The following KLF12 variants were observed in gnomAD, a reference collection of about 807,000 sequenced individuals.
The protein encoded by KLF12 is Krueppel-like factor 12.
In KLF12, 9 loss-of-function variants were observed where a neutral mutation model predicts 37.8. The ratio of observed to expected loss-of-function variants is 0.24; its 90% CI spans 0.14 to 0.42. KLF12 has a LOEUF of 0.42. Ranked by LOEUF, KLF12 falls within the 10% of genes least tolerant of loss-of-function variation. The probability of loss-of-function intolerance (pLI) is 1.00; values close to 1 mark genes in which losing one functional copy is unlikely to be tolerated. For synonymous variants in KLF12, 208 were observed against 202.1 expected (o/e 1.03, Z -0.25); for missense variants, 411 against 516.0 (o/e 0.80, Z 1.97).
chr13:74,200,195 G>A, the KLF12 span, among the ~76,000 whole-genome samples: 3 of 151,946 alleles, frequency 2.0e-5, no homozygotes, highest in African/African-American at 7.3e-5. Context: ...TGCTCAGGGG[G>A]GGGGTTTCCT....
At chr13:74,242,837 A>G in the KLF12 span, among the ~76,000 whole-genome samples, 1 of 152,202 alleles carries the variant, frequency 6.6e-6, no homozygotes, top group East Asian at 1.9e-4. Context: ...AGGTGAGGCT[A>G]TCAGAGCCAC....
At chr13:74,132,070 A>T (rs1457093222) in intron 1 of KLF12, among the ~76,000 whole-genome samples, 1 of 152,226 alleles carries the variant, frequency 6.6e-6, no homozygotes, top group Non-Finnish European at 1.5e-5. Context: ...GGTCTTAAAA[A>T]ATGCACACAA....
chr13:74,231,977 T>C, the KLF12 span, among the ~76,000 whole-genome samples: 1 of 152,154 alleles, frequency 6.6e-6, no homozygotes. Flanking sequence ...AAATTTAGTT[T>C]TGGGGGGTCT....
chr13:73,752,759 T>C (rs1429972651), intron 6 of KLF12, among the ~76,000 whole-genome samples: 1 of 67,098 alleles, frequency 1.5e-5, no homozygotes, highest in Non-Finnish European at 2.9e-5. Flanking sequence ...AGAGTCTTGC[T>C]CTGTCACCCA....
At chr13:73,793,957 T>C (rs780294670) in intron 5 of KLF12, among the ~76,000 whole-genome samples, 6 of 152,238 alleles carry the variant, frequency 3.9e-5, no homozygotes, top group Admixed American at 6.5e-5. Flanking sequence ...TTCAAGTATG[T>C]TGATAAATCG....
the KLF12 span, among the ~76,000 whole-genome samples, chr13:74,214,132 A>T: frequency 2.6e-5 from 4 of 152,152 alleles, no homozygotes; most frequent in African/African-American, 9.7e-5. Flanking sequence ...TTATTTGCCT[A>T]GGTTTACATA....
chr13:74,140,928 C>T, the KLF12 span, among the ~76,000 whole-genome samples: 17 of 110,046 alleles, frequency 1.5e-4, no homozygotes, highest in Non-Finnish European at 2.6e-4. Context: ...TGGTGGCAGG[C>T]GCCTGTAATC....
chr13:73,893,400 G>A (rs1887608489), intron 3 of KLF12, among the ~76,000 whole-genome samples: 1 of 106,194 alleles, frequency 9.4e-6, no homozygotes, highest in Non-Finnish European at 1.7e-5. Flanking sequence ...TTTTGAGACA[G>A]AGCCTCAGCC....
chr13:74,001,412 A>T (rs140268524), intron 1 of KLF12, among the ~76,000 whole-genome samples: 4 of 152,390 alleles, frequency 2.6e-5, no homozygotes, highest in African/African-American at 9.6e-5. Context: ...TAGTTCACAC[A>T]GCCTAAGAAT....
intron 1 of KLF12, among the ~76,000 whole-genome samples, chr13:74,023,908 A>G (rs1269737380): frequency 6.6e-6 from 1 of 152,176 alleles, no homozygotes; most frequent in Non-Finnish European, 1.5e-5. Context: ...GGGGCATGTG[A>G]AATACAGCTA....
chr13:74,024,446 G>GAGCCC (rs1892919984), intron 1 of KLF12, among the ~76,000 whole-genome samples: 1 of 152,132 alleles, frequency 6.6e-6, no homozygotes, highest in African/African-American at 2.4e-5. Flanking sequence ...GCATCATTCT[G>GAGCCC]TCATGCTCAA....
At chr13:74,134,577 G>A (rs910378111), upstream of KLF12, among the ~76,000 whole-genome samples, 5 of 144,784 alleles carry the variant, frequency 3.5e-5, no homozygotes, top group Non-Finnish European at 6.1e-5. Context: ...CCCGGGCCTC[G>A]GCAGCGCTTC....
At chr13:73,875,445 G>A (rs1032791048) in intron 3 of KLF12, among the ~76,000 whole-genome samples, 5 of 152,130 alleles carry the variant, frequency 3.3e-5, no homozygotes, top group Non-Finnish European at 7.4e-5. Flanking sequence ...CTAATTAAGT[G>A]TAGTGGTTAG....
intron 2 of KLF12, among the ~76,000 whole-genome samples, chr13:73,979,041 G>A (rs1891618039): frequency 6.6e-6 from 1 of 152,208 alleles, no homozygotes; most frequent in South Asian, 2.1e-4. Context: ...AGAGCACTGA[G>A]GATTTTCATG....
chr13:73,976,596 T>C (rs1891530407), intron 2 of KLF12, among the ~76,000 whole-genome samples: 1 of 152,204 alleles, frequency 6.6e-6, no homozygotes, highest in African/African-American at 2.4e-5. Flanking sequence ...GAAGCCCATG[T>C]CATCTTTGCA....
chr13:73,968,495 A>T (rs1386520123), intron 2 of KLF12, among the ~76,000 whole-genome samples: 1 of 152,184 alleles, frequency 6.6e-6, no homozygotes, highest in Non-Finnish European at 1.5e-5. Flanking sequence ...ATTTGATAAT[A>T]GCTTTATTTC....
chr13:73,764,846 G>C (rs1879804212), intron 6 of KLF12, 92 bp downstream of exon 6: 1 of 740,648 alleles, frequency 1.4e-6, no homozygotes, highest in Admixed American at 2.1e-5. Context: ...ACTCTGTATA[G>C]AGAAGTAGGA....
At chr13:74,102,629 G>C (rs1168929659) in intron 1 of KLF12, among the ~76,000 whole-genome samples, 1 of 151,680 alleles carries the variant, frequency 6.6e-6, no homozygotes, top group Non-Finnish European at 1.5e-5. Context: ...CCTGGGAGGT[G>C]GGGGGTTGCA....
chr13:73,987,542 A>G (rs1427559804), intron 2 of KLF12, among the ~76,000 whole-genome samples: 2 of 151,238 alleles, frequency 1.3e-5, no homozygotes, highest in Admixed American at 1.3e-4. Context: ...ACTATAATCA[A>G]GTGGCCAGAG....
Sources: allele counts gnomAD v4.1 joint callset (sites outside exome capture counted in the v4.1 genomes callset), GRCh38; gene constraint gnomAD v4.1.1; transcripts MANE v1.5; gene names NCBI Gene and HGNC (gene_info 2026-07-23, HGNC 2026-07-21).